The following IHO1 variants were observed in gnomAD, a reference collection of about 807,000 sequenced individuals.
IHO1 encodes interactor of HORMAD1 1.
A neutral mutation model predicts 31.0 loss-of-function variants in IHO1; 13 were observed. The observed-to-expected ratio is 0.42, with a 90% CI of 0.27 to 0.67. The LOEUF (loss-of-function observed/expected upper bound fraction) is 0.67. Among genes scored for constraint, IHO1 ranks in the 30% least tolerant of loss-of-function variants. IHO1 has a pLI of 0.24. For missense variants in IHO1, 599 were observed against 687.5 expected (o/e 0.87, Z 1.44); for synonymous variants, 221 against 248.4 (o/e 0.89, Z 1.04).
At chr3:49,227,131 C>T (rs369071271) in intron 2 of IHO1, among the ~76,000 whole-genome samples, 1 of 152,130 alleles carries the variant, frequency 6.6e-6, no homozygotes, top group African/African-American at 2.4e-5. Context: ...GAAAAGAAAG[C>T]TTGGACATAA....
chr3:49,195,122 A>C (rs1355781158), upstream of IHO1, among the ~76,000 whole-genome samples: 1 of 151,944 alleles, frequency 6.6e-6, no homozygotes, highest in Non-Finnish European at 1.5e-5. Flanking sequence ...TGTAATAATT[A>C]AAAATAAAAA....
chr3:49,225,358 G>A (rs1179148991), intron 2 of IHO1, among the ~76,000 whole-genome samples: 2 of 152,174 alleles, frequency 1.3e-5, no homozygotes, highest in Non-Finnish European at 1.5e-5. Flanking sequence ...AGCCACTCAG[G>A]AGGCTGAGGC....
At chr3:49,194,729 C>A (rs542677874), upstream of IHO1, among the ~76,000 whole-genome samples, 2 of 147,348 alleles carry the variant, frequency 1.4e-5, no homozygotes, top group South Asian at 4.3e-4. Flanking sequence ...AACCCCATCA[C>A]TACAAAAAAT....
intron 6 of IHO1, among the ~76,000 whole-genome samples, chr3:49,251,018 C>T (rs893335306): frequency 1.8e-4 from 28 of 151,638 alleles, no homozygotes; most frequent in African/African-American, 6.3e-4. Flanking sequence ...AGTAAGACTC[C>T]ATCTCAAAAA....
intron 4 of IHO1, 41 bp downstream of exon 4, chr3:49,241,430 C>T: frequency 6.5e-7 from 1 of 1,536,950 alleles, no homozygotes; most frequent in Non-Finnish European, 8.8e-7. Context: ...CTCACCTTTT[C>T]TGAGTAAAAC....
At chr3:49,197,147 A>ATT (rs71077772), upstream of IHO1, among the ~76,000 whole-genome samples, 522 of 126,928 alleles carry the variant, frequency 4.1e-3, 5 homozygotes, top group East Asian at 7.1e-3. Context: ...CAGCCGGCTA[A>ATT]TTTTTTTTTT....
At chr3:49,255,914 AG>A (rs956940911) in intron 7 of IHO1, among the ~76,000 whole-genome samples, 3 of 152,014 alleles carry the variant, frequency 2.0e-5, no homozygotes, top group Non-Finnish European at 2.9e-5. Flanking sequence ...CCACTTGGAA[AG>A]GGGCCAGCAT....
chr3:49,255,556 A>G, intron 7 of IHO1, 63 bp downstream of exon 7: 1 of 990,288 alleles, frequency 1.0e-6, no homozygotes. Flanking sequence ...CCCAGAGAGA[A>G]ACTTTTTTTT....
intron 2 of IHO1, among the ~76,000 whole-genome samples, chr3:49,224,382 C>T (rs2046392707): frequency 6.6e-6 from 1 of 152,222 alleles, no homozygotes; most frequent in Admixed American, 6.5e-5. Context: ...CAGTGTAAGA[C>T]TGCCACCTCC....
At chr3:49,244,070 T>G (rs2046665420) in intron 4 of IHO1, among the ~76,000 whole-genome samples, 1 of 151,830 alleles carries the variant, frequency 6.6e-6, no homozygotes, top group South Asian at 2.1e-4. Context: ...TTCTCCTGTC[T>G]CAGCCTCCCC....
intron 6 of IHO1, among the ~76,000 whole-genome samples, chr3:49,249,784 TA>T (rs989068121): frequency 1.3e-5 from 2 of 152,194 alleles, no homozygotes; most frequent in Admixed American, 6.6e-5. Context: ...AGAGTATCCC[TA>T]AAAAAGTTGG....
Position 49,241,258 on chromosome 3 carries a change from A to G in IHO1, c.264A>G (p.Thr88=). ...GEPSIFTKYQ[T]KPQLFGGDIK... is the part of the protein sequence containing the mutation. ...CTAGCATTTTCACAAAGTACCAGACAAAGCCCCAGCTGTTCGGAGGAGATA... is the reference window on the plus strand; with the variant it reads ...CTAGCATTTTCACAAAGTACCAGACGAAGCCCCAGCTGTTCGGAGGAGATA... The change falls in exon 4 of 8, where the codon ACA becomes ACG. Residue 88 remains threonine, a synonymous_variant. Transcript: ENST00000452691. 6.2e-7 allele frequency: 1 copy of G among 1,612,144 alleles called. No homozygotes were observed.
intron 2 of IHO1, among the ~76,000 whole-genome samples, chr3:49,230,198 A>G (rs1034555722): frequency 6.6e-6 from 1 of 152,216 alleles, no homozygotes; most frequent in Non-Finnish European, 1.5e-5. Flanking sequence ...AAAAGGACAC[A>G]TAGCTCCAAC....
rs139738940 is a variant in IHO1, at chr3:49,257,216, C to T, written c.1719C>T (p.Cys573=). 4 of 1,614,020 alleles carry T rather than the reference C, an allele frequency of 2.5e-6. No homozygotes were observed. In the African/African-American group the frequency reaches 4.0e-5, roughly 16 times the overall value. ...LNLGCSETPL[C]KEAGKNLLYD... is the part of the protein sequence containing the mutation. ...TCGGATGTTCAGAGACCCCTCTATG[C>T]AAGGAGGCAGGAAAGAATTTGCTCT... is the stretch of plus-strand genomic sequence containing the variant. The change falls in exon 8 of 8, where the codon TGC becomes TGT. Residue 573 remains cysteine, a synonymous_variant. Transcript: ENST00000452691.
intron 3 of IHO1, among the ~76,000 whole-genome samples, chr3:49,240,170 C>T (rs552475856): frequency 2.6e-5 from 4 of 151,924 alleles, no homozygotes; most frequent in South Asian, 4.2e-4. Context: ...CTCAGCCTCC[C>T]GAGTAGCTGT....
Position 49,244,155 on chromosome 3 carries a change from G to C in IHO1, c.396-249G>C, listed in dbSNP as rs949150765. 2.5e-4 allele frequency among the ~76,000 whole-genome samples: 38 copies of C among 151,742 alleles called. 1 individual carries two copies. Among genetic ancestry groups the C allele is most frequent in the Non-Finnish European group, 1.5e-4 (10 of 67,924 alleles). ...TTTTTAGTAGAGACGGGGTTTCACT[G>C]TCTTGGCCAGGCTGGTCTTGAACTC... On this transcript the variant is annotated intron_variant, in intron 4 of 7. Transcript: ENST00000452691.
At chr3:49,246,340 T>C (rs1216804379) in intron 6 of IHO1, among the ~76,000 whole-genome samples, 2 of 151,352 alleles carry the variant, frequency 1.3e-5, no homozygotes, top group East Asian at 4.0e-4. Context: ...ACTCTGTTTT[T>C]GTTTTACATT....
chr3:49,193,283 G>A, the IHO1 span, among the ~76,000 whole-genome samples: 1 of 151,342 alleles, frequency 6.6e-6, no homozygotes, highest in Non-Finnish European at 1.5e-5. Context: ...GAGGAGGGAG[G>A]ATCACTTGAG....
rs2046833837 is a variant in IHO1, at chr3:49,256,958, C to A, written c.1461C>A (p.Ser487Arg). ...SPQPAISVPQ[S>R]PFLGQQEPRA... is the part of the protein sequence containing the mutation. ...AGCCTGCAATTTCTGTCCCTCAAAG[C>A]CCCTTCCTGGGGCAGCAGGAACCCC... Residue 487 changes from serine to arginine, a missense_variant, in exon 8 of 8, where the codon AGC (serine) becomes AGA (arginine). Physicochemically the swap from Ser to Arg is moderately radical, Grantham distance 110. Coordinates refer to ENST00000452691, the MANE Select transcript of IHO1 (RefSeq NM_001135197.2). The surrounding 1 kb of genome is among the most constrained non-coding windows in gnomAD (Gnocchi z 4.6). The A allele has an allele frequency of 6.2e-7, 1 of 1,614,226 alleles. No individual in the cohort carries two copies. The highest frequency in any genetic ancestry group is 8.5e-7 in the Non-Finnish European group (1 of 1,180,036).
Sources: allele counts gnomAD v4.1 joint callset (sites outside exome capture counted in the v4.1 genomes callset), GRCh38; gene constraint gnomAD v4.1.1; non-coding constraint Gnocchi (gnomAD v3.1); transcripts MANE v1.5; gene names NCBI Gene and HGNC (gene_info 2026-07-23, HGNC 2026-07-21).